ADAP1: variants seen among roughly 807,000 people sequenced by gnomAD.
ADAP1 encodes arf-GAP with dual PH domain-containing protein 1.
Under a neutral mutation model 54.9 loss-of-function variants are expected in ADAP1, and 31 were observed. The ratio of observed to expected loss-of-function variants is 0.56; its 90% confidence interval spans 0.42 to 0.76. The LOEUF (loss-of-function observed/expected upper bound fraction) is 0.76, where lower values mean the gene tolerates loss of function less well. ADAP1 is among the 30% of genes least tolerant of loss of function. The probability of loss-of-function intolerance (pLI) is 0.00; values close to 1 mark genes in which losing one functional copy is unlikely to be tolerated. For missense variants in ADAP1, 535 were observed against 512.4 expected (o/e 1.04, Z -0.42); for synonymous variants, 313 against 202.6 (o/e 1.55, Z -4.63).
chr7:925,249 G>A (rs1330998390), intron 3 of ADAP1, among the ~76,000 whole-genome samples: 1 of 151,938 alleles, frequency 6.6e-6, no homozygotes, highest in Non-Finnish European at 1.5e-5. Context: ...ACCCCGGGAG[G>A]GCCGGTTCAT....
In ADAP1 at chr7:906,700, CAT is replaced by C. The variant is rs1562915280; in HGVS notation, c.389-1530_389-1529del. Among the ~76,000 whole-genome samples the C allele has an allele frequency of 6.0e-3, 152 of 25,318 alleles. 9 individuals are homozygous for C. Among genetic ancestry groups the C allele is most frequent in the East Asian group, 0.014 (3 of 212 alleles). The allele number at this position is 25,318 out of a possible 152,430, so 16.6% of individuals were successfully genotyped here. ...GGACAGGGGACACGGGGGACATGGA[CAT>C]GGGGGACGGGACATCGGGGACGGGA... On this transcript the variant is annotated intron_variant, in intron 4 of 10. Coordinates refer to ENST00000265846, the MANE Select transcript of ADAP1 (RefSeq NM_006869.4).
chr7:918,665 C>T (rs1200898059), intron 4 of ADAP1, among the ~76,000 whole-genome samples: 4 of 152,194 alleles, frequency 2.6e-5, no homozygotes, highest in African/African-American at 9.7e-5. Flanking sequence ...CCGCCCTGCC[C>T]GTGCTGACGT....
At chr7:921,647 G>C (rs543064146) in intron 3 of ADAP1, among the ~76,000 whole-genome samples, 1 of 152,320 alleles carries the variant, frequency 6.6e-6, no homozygotes, top group South Asian at 2.1e-4. Flanking sequence ...TCACAGGGGC[G>C]GCGGGTTAGG....
chr7:939,759 A>C (rs1485388235), intron 1 of ADAP1, among the ~76,000 whole-genome samples: 1 of 151,574 alleles, frequency 6.6e-6, no homozygotes, highest in Non-Finnish European at 1.5e-5. Context: ...GGAACCCGGG[A>C]GATGGAGATT....
intron 2 of ADAP1, among the ~76,000 whole-genome samples, chr7:934,281 T>C (rs71518355): frequency 0.048 from 2,578 of 53,798 alleles, 172 homozygotes; most frequent in East Asian, 0.34. Context: ...AGCCGGGGAC[T>C]GGGGTCAGTG....
chr7:946,857 C>T lies in ADAP1; in HGVS notation c.82+7539G>A, dbSNP rs1410958787. Reference sequence around the variant, plus strand: ...CACTTTGAAATGATTAACCTGAGGCCGGGCGGGGCGGCTCACGCCTGCAAT... The same window carrying T: ...CACTTTGAAATGATTAACCTGAGGCTGGGCGGGGCGGCTCACGCCTGCAAT... On this transcript the variant is annotated intron_variant, in intron 1 of 10. Coordinates refer to ENST00000265846, the MANE Select transcript of ADAP1 (RefSeq NM_006869.4). This position sits in a 1 kb window ranked among gnomAD's most constrained non-coding sequence, Gnocchi z 4.3. Among the ~76,000 whole-genome samples the T allele has an allele frequency of 6.6e-5, 10 of 152,314 alleles. No homozygotes were observed. The highest frequency in any genetic ancestry group is 3.9e-4 in the East Asian group (2 of 5,190).
chr7:904,981 G>A (rs541162812), intron 5 of ADAP1, 79 bp downstream of exon 5: 641 of 1,275,604 alleles, frequency 5.0e-4, no homozygotes, highest in South Asian at 1.4e-3. Context: ...GGATGGACGC[G>A]GCCACCACAG....
At chr7:936,901 C>T (rs1846777847) in intron 1 of ADAP1, among the ~76,000 whole-genome samples, 2 of 152,266 alleles carry the variant, frequency 1.3e-5, no homozygotes, top group Admixed American at 1.3e-4. Context: ...GATCGGGGCC[C>T]ACCCCTGGCT....
At chr7:905,002 G>GGGA in intron 5 of ADAP1, 58 bp downstream of exon 5, 1 of 1,485,948 alleles carries the variant, frequency 6.7e-7, no homozygotes, top group Non-Finnish European at 9.3e-7. Context: ...GCCCCAGTGT[G>GGGA]GGAGGCCGGG....
intron 6 of ADAP1, among the ~76,000 whole-genome samples, chr7:902,475 A>AAAATGCCTGGGCGTGGTGGT (rs1491159593): frequency 1.5e-4 from 21 of 142,358 alleles, no homozygotes; most frequent in East Asian, 4.1e-4. Context: ...AAAAAAAGAA[A>AAAATGCCTGGGCGTGGTGGT]GAAAAGAAAG....
intron 6 of ADAP1, chr7:903,884 C>T (rs530995917): frequency 3.7e-5 from 18 of 480,142 alleles, no homozygotes; most frequent in African/African-American, 1.0e-4. Flanking sequence ...CTGGGCAGCC[C>T]GGCCCTGGGA....
intron 4 of ADAP1, among the ~76,000 whole-genome samples, chr7:909,392 CCGGTCCTCCCGA>C (rs1845627376): frequency 7.7e-6 from 1 of 130,282 alleles, no homozygotes; most frequent in Non-Finnish European, 1.6e-5. Flanking sequence ...AGCGGGAACC[CCGGTCCTCCCGA>C]CAGCAGGCGC....
intron 3 of ADAP1, among the ~76,000 whole-genome samples, chr7:925,526 C>A (rs894472764): frequency 6.6e-6 from 1 of 152,008 alleles, no homozygotes; most frequent in East Asian, 1.9e-4. Context: ...AGTGAGGACC[C>A]CTGATCCCAC....
At chr7:908,173 T>C (rs1845559379) in intron 4 of ADAP1, among the ~76,000 whole-genome samples, 1 of 152,174 alleles carries the variant, frequency 6.6e-6, no homozygotes, top group South Asian at 2.1e-4. Context: ...CAGGCGGGGC[T>C]AAACAGCCCC....
At chr7:941,412 A>T (rs1846936215) in intron 1 of ADAP1, among the ~76,000 whole-genome samples, 1 of 152,242 alleles carries the variant, frequency 6.6e-6, no homozygotes, top group Non-Finnish European at 1.5e-5. Flanking sequence ...AGAAAATAGA[A>T]AAGATTCTAT....
chr7:901,285 G>A (rs1844799896), intron 6 of ADAP1: 1 of 342,550 alleles, frequency 2.9e-6, no homozygotes, highest in Non-Finnish European at 5.7e-6. Flanking sequence ...GCCCCTCCTG[G>A]GGTCTGCCCA....
chr7:915,732 G>A (rs908723780), intron 4 of ADAP1, among the ~76,000 whole-genome samples: 2 of 152,112 alleles, frequency 1.3e-5, no homozygotes, highest in African/African-American at 2.4e-5. Flanking sequence ...GGGGCAGGAG[G>A]CGTCTTGGGT....
intron 4 of ADAP1, among the ~76,000 whole-genome samples, chr7:907,176 C>A (rs1845502928): frequency 6.6e-6 from 1 of 152,158 alleles, no homozygotes; most frequent in Non-Finnish European, 1.5e-5. Context: ...TCACGCACAC[C>A]ACACACAGCC....
intron 2 of ADAP1, among the ~76,000 whole-genome samples, chr7:931,494 C>T (rs1043695402): frequency 1.2e-4 from 19 of 152,018 alleles, no homozygotes; most frequent in African/African-American, 4.1e-4. Context: ...ACACGCCGTG[C>T]GATCCCGTTT....
Sources: allele counts gnomAD v4.1 joint callset (sites outside exome capture counted in the v4.1 genomes callset), GRCh38; gene constraint gnomAD v4.1.1; non-coding constraint Gnocchi (gnomAD v3.1); transcripts MANE v1.5; gene names NCBI Gene and HGNC (gene_info 2026-07-23, HGNC 2026-07-21).